The following MALRD1 variants were observed in gnomAD, a reference collection of about 807,000 sequenced individuals.
The protein encoded by MALRD1 is MAM and LDL receptor class A domain containing 1.
MALRD1 carries 247 observed loss-of-function variants against 242.1 expected under a neutral mutation model. The ratio of observed to expected loss-of-function variants is 1.02; its 90% CI spans 0.92 to 1.13. The LOEUF (loss-of-function observed/expected upper bound fraction) is 1.13. MALRD1 is among the 50% of genes most tolerant of loss of function. The pLI is 0.00. For missense variants in MALRD1, 2,989 were observed against 2,533.1 expected (o/e 1.18, Z -3.86); for synonymous variants, 995 against 866.6 (o/e 1.15, Z -2.60).
chr10:19,086,354 T>G (rs1376136453), intron 2 of MALRD1, among the ~76,000 whole-genome samples: 1 of 152,034 alleles, frequency 6.6e-6, no homozygotes, highest in Non-Finnish European at 1.5e-5. Context: ...ATCATAGACA[T>G]CATCATCATA....
intron 21 of MALRD1, among the ~76,000 whole-genome samples, chr10:19,297,216 CATT>C (rs1390659122): frequency 1.3e-5 from 2 of 151,244 alleles, no homozygotes; most frequent in African/African-American, 2.4e-5. Context: ...AAAGTATAAG[CATT>C]ATTAATGATC....
In MALRD1 at chr10:19,400,819, C is replaced by A. The variant is rs1353959161; in HGVS notation, c.4845+11210C>A. Among the ~76,000 whole-genome samples, 3 of 152,018 alleles carry A rather than the reference C, an allele frequency of 2.0e-5. No homozygotes were observed. The East Asian group carries it at 5.8e-4, about 29-fold the overall frequency. On this transcript the variant is annotated intron_variant, in intron 28 of 39. Coordinates refer to ENST00000454679, the MANE Select transcript of MALRD1 (RefSeq NM_001142308.3). Reference sequence around the variant, plus strand: ...TCACTTGAGGTGAGAAGTTTGAGACCAGCCTGGTCAATATGGTGAAACCCT... The same window carrying A: ...TCACTTGAGGTGAGAAGTTTGAGACAAGCCTGGTCAATATGGTGAAACCCT...
chr10:19,607,728 A>G, intron 34 of MALRD1, 49 bp from the exon 35 acceptor site: 1 of 1,521,572 alleles, frequency 6.6e-7, no homozygotes, highest in Non-Finnish European at 8.8e-7. Context: ...CATTGGGACA[A>G]AAAAAAATCA....
chr10:19,591,286 T>G (rs1164423243), intron 33 of MALRD1, among the ~76,000 whole-genome samples: 1 of 152,236 alleles, frequency 6.6e-6, no homozygotes, highest in Non-Finnish European at 1.5e-5. Context: ...AATTGTATAT[T>G]ATTATCAGCT....
At chr10:19,071,240 A>T (rs1352685560) in intron 2 of MALRD1, among the ~76,000 whole-genome samples, 1 of 151,832 alleles carries the variant, frequency 6.6e-6, no homozygotes, top group African/African-American at 2.4e-5. Flanking sequence ...CTCCCTACAC[A>T]TGCATGTTTC....
In MALRD1 at chr10:19,595,414, T is replaced by C. The variant is rs1161295616; in HGVS notation, c.5901T>C (p.Asp1967=). The C allele has an allele frequency of 6.5e-7, 1 of 1,550,376 alleles. No homozygotes were observed. The change falls in exon 34 of 40, where the codon GAT becomes GAC. Residue 1967 remains aspartate (D), a synonymous_variant. Transcript: ENST00000454679. ...DECIPSLLLC[D]GVPDCHFNED... ...GTATACCTTCCCTCCTGCTATGCGATGGAGTGCCCGACTGCCACTTTAATG... is the reference window on the plus strand; with the variant it reads ...GTATACCTTCCCTCCTGCTATGCGACGGAGTGCCCGACTGCCACTTTAATG...
In MALRD1 at chr10:19,517,783, T is replaced by A. The variant is rs150808184; in HGVS notation, c.5321-13411T>A. On this transcript the variant is annotated intron_variant, in intron 31 of 39. Coordinates refer to ENST00000454679, the MANE Select transcript of MALRD1 (RefSeq NM_001142308.3). Reference sequence around the variant, plus strand: ...AAACACAAATTTGAGGAGCTCAAATTTAAGAGAGAACTCACCCACAGCCTT... The same window carrying A: ...AAACACAAATTTGAGGAGCTCAAATATAAGAGAGAACTCACCCACAGCCTT... Among the ~76,000 whole-genome samples the A allele has an allele frequency of 2.6e-3, 396 of 152,248 alleles. 3 individuals are homozygous for A. Among genetic ancestry groups the A allele is most frequent in the African/African-American group, 9.2e-3 (382 of 41,552 alleles).
chr10:19,343,138 G>A (rs1447739281), intron 24 of MALRD1, among the ~76,000 whole-genome samples: 2 of 151,878 alleles, frequency 1.3e-5, no homozygotes, highest in Admixed American at 6.6e-5. Context: ...TTTGTTTAAT[G>A]TATTTATGAT....
At chr10:19,387,828 A>G in intron 27 of MALRD1, 55 bp downstream of exon 27, 1 of 1,511,080 alleles carries the variant, frequency 6.6e-7, no homozygotes, top group Non-Finnish European at 8.9e-7. Flanking sequence ...ATGTACATCA[A>G]AATGTCTTTT....
chr10:19,449,631 C>T lies in MALRD1; in HGVS notation c.4846-676C>T, dbSNP rs1392587983. On this transcript the variant is annotated intron_variant, in intron 28 of 39. Transcript: ENST00000454679. ...ATTTTTTTGAGGGAAGCAAGAATTGCAATTTGGGGCATATATACAGACCCG... is the reference window on the plus strand; with the variant it reads ...ATTTTTTTGAGGGAAGCAAGAATTGTAATTTGGGGCATATATACAGACCCG... Among the ~76,000 whole-genome samples the T allele has an allele frequency of 2.0e-5, 3 of 151,908 alleles. No individual in the cohort carries two copies. The East Asian group carries it at 5.8e-4, about 29-fold the overall frequency.
At chr10:19,638,797 A>T (rs1024470533) in intron 36 of MALRD1, among the ~76,000 whole-genome samples, 1 of 152,088 alleles carries the variant, frequency 6.6e-6, no homozygotes, top group Non-Finnish European at 1.5e-5. Context: ...ATTTGGCAAG[A>T]CTCCTAAGAA....
intron 33 of MALRD1, among the ~76,000 whole-genome samples, chr10:19,578,930 T>A (rs184360157): frequency 1.8e-3 from 269 of 152,284 alleles, no homozygotes; most frequent in African/African-American, 6.2e-3. Context: ...ACACGTGTTA[T>A]ATAATGGGAC....
At chr10:19,330,001 T>G (rs1449117572) in intron 23 of MALRD1, among the ~76,000 whole-genome samples, 1 of 152,178 alleles carries the variant, frequency 6.6e-6, no homozygotes, top group Non-Finnish European at 1.5e-5. Context: ...TATGTTGAAA[T>G]TTTAGACTAT....
chr10:19,536,071 G>A (rs374024747), intron 32 of MALRD1, among the ~76,000 whole-genome samples: 2 of 152,264 alleles, frequency 1.3e-5, no homozygotes, highest in South Asian at 2.1e-4. Context: ...TCTCACTAAA[G>A]GTTATGCATT....
At position 19,072,679 on chromosome 10, in the gene MALRD1, A is replaced by G. The variant is rs558706822; in HGVS notation, c.340+5820A>G. Among the ~76,000 whole-genome samples, 92 of 152,260 alleles carry G rather than the reference A, an allele frequency of 6.0e-4. 2 individuals carry two copies. In the South Asian group the frequency reaches 0.019, roughly 31 times the overall value. On this transcript the variant is annotated intron_variant, in intron 2 of 39. Transcript: ENST00000454679. ...CATTATAATCTTAATTTTAGTGCCC[A>G]GTGTTCACATTTATAGCAAACAAAA...
chr10:19,128,507 T>G, intron 8 of MALRD1, 120 bp downstream of exon 8: 1 of 572,032 alleles, frequency 1.7e-6, no homozygotes, highest in Non-Finnish European at 2.6e-6. Context: ...TTGACTTTAC[T>G]TGGTATACTT....
chr10:19,315,604 T>TA (rs1443586887), intron 21 of MALRD1, among the ~76,000 whole-genome samples: 3 of 76,716 alleles, frequency 3.9e-5, no homozygotes, highest in East Asian at 3.3e-4. Flanking sequence ...TTTATATAAA[T>TA]TATAAATATT....
chr10:19,616,474 A>G (rs894712972), intron 36 of MALRD1, among the ~76,000 whole-genome samples: 2 of 152,078 alleles, frequency 1.3e-5, no homozygotes, highest in Admixed American at 6.6e-5. Flanking sequence ...TATATTGCAT[A>G]TCAAAGATGG....
chr10:19,515,942 T>A (rs913350733), intron 31 of MALRD1, among the ~76,000 whole-genome samples: 4 of 152,206 alleles, frequency 2.6e-5, no homozygotes, highest in Non-Finnish European at 4.4e-5. Context: ...AATTTTAGAT[T>A]ACTTACACCT....
Sources: allele counts gnomAD v4.1 joint callset (sites outside exome capture counted in the v4.1 genomes callset), GRCh38; gene constraint gnomAD v4.1.1; transcripts MANE v1.5; gene names NCBI Gene and HGNC (gene_info 2026-07-23, HGNC 2026-07-21).